The following OPCML variants were observed in gnomAD, a reference collection of about 807,000 sequenced individuals.
OPCML encodes the protein opioid-binding protein/cell adhesion molecule.
Under a neutral mutation model 37.8 loss-of-function variants are expected in OPCML, and 13 were observed. The ratio of observed to expected loss-of-function variants is 0.34; its 90% CI spans 0.22 to 0.55. OPCML has a LOEUF of 0.55. OPCML is among the 20% of genes least tolerant of loss of function. The pLI is 0.91. For missense variants in OPCML, 341 were observed against 435.6 expected, an observed-to-expected ratio of 0.78 and a Z score of 1.93; for synonymous variants, 176 against 168.8, an observed-to-expected ratio of 1.04 and a Z score of -0.33.
At chr11:132,488,784 T>C (rs1427002232) in intron 4 of OPCML, among the ~76,000 whole-genome samples, 1 of 152,220 alleles carries the variant, frequency 6.6e-6, no homozygotes, top group Non-Finnish European at 1.5e-5. Flanking sequence ...GGTATCATGG[T>C]TTTCATTGGG....
intron 1 of OPCML, among the ~76,000 whole-genome samples, chr11:133,482,804 G>C (rs969125020): frequency 6.6e-6 from 1 of 151,692 alleles, no homozygotes; most frequent in Non-Finnish European, 1.5e-5. Context: ...AAATGATGAG[G>C]GTAAAACTGA....
chr11:133,489,670 A>C (rs185247926), intron 1 of OPCML, among the ~76,000 whole-genome samples: 64 of 152,236 alleles, frequency 4.2e-4, no homozygotes, highest in African/African-American at 1.4e-3. Context: ...TCAATCCATC[A>C]ACCCCACTAC....
At chr11:132,592,493 T>G (rs2096486108) in intron 3 of OPCML, among the ~76,000 whole-genome samples, 1 of 152,248 alleles carries the variant, frequency 6.6e-6, no homozygotes, top group Admixed American at 6.5e-5. Flanking sequence ...TACTGGTGAC[T>G]GTCCAGGCCC....
At chr11:132,671,648 A>G (rs1942480962) in intron 2 of OPCML, among the ~76,000 whole-genome samples, 1 of 152,170 alleles carries the variant, frequency 6.6e-6, no homozygotes, top group African/African-American at 2.4e-5. Flanking sequence ...TGTGGGCAAG[A>G]CACTAAGAAA....
chr11:132,694,260 G>A (rs937295558), intron 2 of OPCML, among the ~76,000 whole-genome samples: 32 of 130,626 alleles, frequency 2.4e-4, no homozygotes, highest in South Asian at 7.5e-4. Flanking sequence ...GTGCAGTGGC[G>A]CGATCTTGGC....
At chr11:133,456,497 T>C (rs1294183563) in intron 1 of OPCML, among the ~76,000 whole-genome samples, 1 of 151,348 alleles carries the variant, frequency 6.6e-6, no homozygotes, top group African/African-American at 2.4e-5. Context: ...TGGCAAAATA[T>C]GGCAAAATAA....
chr11:132,589,654 C>T (rs994711468), intron 3 of OPCML, among the ~76,000 whole-genome samples: 2 of 152,144 alleles, frequency 1.3e-5, no homozygotes, highest in Admixed American at 6.5e-5. Context: ...AGGCAAAGGC[C>T]GGGTGTCCTA....
chr11:132,670,700 A>G (rs1436520678), intron 2 of OPCML, among the ~76,000 whole-genome samples: 1 of 152,198 alleles, frequency 6.6e-6, no homozygotes, highest in Non-Finnish European at 1.5e-5. Context: ...AAAAAACAAA[A>G]ACTATAGATT....
At chr11:132,767,310 T>C (rs550169049) in intron 2 of OPCML, among the ~76,000 whole-genome samples, 1 of 152,310 alleles carries the variant, frequency 6.6e-6, no homozygotes, top group South Asian at 2.1e-4. Context: ...CATGTGTATA[T>C]GCATGCTCAC....
At chr11:133,307,026 T>G (rs1942938615) in intron 1 of OPCML, among the ~76,000 whole-genome samples, 1 of 152,174 alleles carries the variant, frequency 6.6e-6, no homozygotes, top group South Asian at 2.1e-4. Flanking sequence ...ATTCAATAAC[T>G]TGGTAATATG....
chr11:132,639,510 C>T (rs1289471850), intron 3 of OPCML, among the ~76,000 whole-genome samples: 1 of 152,222 alleles, frequency 6.6e-6, no homozygotes, highest in Non-Finnish European at 1.5e-5. Context: ...GCAATCATTG[C>T]AGCCCCTCCC....
At chr11:132,553,350 T>C (rs1219729566) in intron 3 of OPCML, among the ~76,000 whole-genome samples, 1 of 152,222 alleles carries the variant, frequency 6.6e-6, no homozygotes, top group African/African-American at 2.4e-5. Flanking sequence ...CATGGCTGTT[T>C]GCCTTTCCCT....
intron 2 of OPCML, among the ~76,000 whole-genome samples, chr11:132,845,924 G>T (rs1389120628): frequency 1.3e-5 from 2 of 152,152 alleles, no homozygotes; most frequent in Non-Finnish European, 2.9e-5. Flanking sequence ...CAACGAGGGT[G>T]GGCTGGATGG....
At chr11:133,347,333 C>T (rs1473808059) in intron 1 of OPCML, among the ~76,000 whole-genome samples, 2 of 152,162 alleles carry the variant, frequency 1.3e-5, no homozygotes, top group Non-Finnish European at 2.9e-5. Context: ...TTTGCCCTGA[C>T]ATGCGAGAAT....
rs536837319 is a variant in OPCML, at chr11:132,943,116, G to A, written c.62-106C>T. On this transcript the variant is annotated intron_variant, in intron 1 of 7. Coordinates refer to ENST00000524381, the MANE Select transcript of OPCML (RefSeq NM_001012393.5). This position sits in a 1 kb window ranked among gnomAD's most constrained non-coding sequence, Gnocchi z 4.3. ...ATTCTCGACAGCCACAACTTCCCAGGACTCCGGCAGCCGCACAGTCCTGGT... is the reference window on the plus strand; with the variant it reads ...ATTCTCGACAGCCACAACTTCCCAGAACTCCGGCAGCCGCACAGTCCTGGT... 526 of 1,613,976 alleles carry A rather than the reference G, an allele frequency of 3.3e-4. 3 individuals are homozygous for A. Among genetic ancestry groups the A allele is most frequent in the African/African-American group, 1.4e-3 (108 of 75,046 alleles).
At chr11:132,571,675 G>A (rs12796558) in intron 3 of OPCML, among the ~76,000 whole-genome samples, 78,888 of 151,976 alleles carry the variant, frequency 0.52, 21,255 homozygotes, top group Admixed American at 0.64. Flanking sequence ...TCATCCATCA[G>A]TGGGTGTTTA....
intron 1 of OPCML, among the ~76,000 whole-genome samples, chr11:133,408,360 G>A (rs1258884034): frequency 6.6e-6 from 1 of 152,190 alleles, no homozygotes; most frequent in East Asian, 1.9e-4. Context: ...AAAATTGTTA[G>A]GGCATCTCCT....
At chr11:132,510,656 T>G (rs952408713) in intron 4 of OPCML, among the ~76,000 whole-genome samples, 5 of 152,170 alleles carry the variant, frequency 3.3e-5, no homozygotes, top group Admixed American at 2.6e-4. Context: ...TGCCACCATG[T>G]AAGAAATACC....
At chr11:132,615,551 A>G (rs1275195799) in intron 3 of OPCML, among the ~76,000 whole-genome samples, 4 of 152,248 alleles carry the variant, frequency 2.6e-5, no homozygotes, top group Non-Finnish European at 5.9e-5. Flanking sequence ...ATAAAACTAC[A>G]GCATAACAAC....
Sources: gnomAD v4.1 joint callset for allele counts (sites outside exome capture counted in the v4.1 genomes callset) on GRCh38, gnomAD v4.1.1 for gene constraint, Gnocchi (gnomAD v3.1) non-coding constraint, MANE v1.5 for transcripts, NCBI Gene and HGNC (gene_info 2026-07-23, HGNC 2026-07-21) for gene names.